The following PCDH11X variants were observed in gnomAD, a reference collection of about 807,000 sequenced individuals.
PCDH11X encodes the protein protocadherin 11 X-linked.
In PCDH11X, 18 loss-of-function variants were observed where a neutral mutation model predicts 53.3. That is an observed-to-expected ratio of 0.34 (90% CI 0.23 to 0.50). The LOEUF (loss-of-function observed/expected upper bound fraction) is 0.50, where lower values mean the gene tolerates loss of function less well. Ranked by LOEUF, PCDH11X falls within the 20% of genes least tolerant of loss-of-function variation. PCDH11X has a pLI of 0.98. For missense variants in PCDH11X, 570 were observed against 1,032.4 expected, an observed-to-expected ratio of 0.55 and a Z score of 6.14; for synonymous variants, 279 against 393.3, an observed-to-expected ratio of 0.71 and a Z score of 3.44.
intron 6 of PCDH11X, among the ~76,000 whole-genome samples, chrX:91,949,355 A>G (rs957906365): frequency 2.1e-5 from 2 of 95,908 alleles, no homozygotes; most frequent in Admixed American, 2.1e-4. Flanking sequence ...ATATAGAGGG[A>G]AAAAAAAACT....
chrX:92,571,842 C>T (rs1367968264), intron 10 of PCDH11X, among the ~76,000 whole-genome samples: 1 of 111,821 alleles, frequency 8.9e-6, no homozygotes. Flanking sequence ...TGCCACTAGG[C>T]TCAGTAGGAA....
intron 1 of PCDH11X, 51 bp downstream of exon 1, chrX:91,779,735 G>C (rs1935060104): frequency 9.9e-6 from 1 of 101,015 alleles, no homozygotes; most frequent in South Asian, 5.1e-4. Context: ...GGAGGCGTGA[G>C]GTCCACACTT....
At chrX:92,226,278 T>C (rs1426316521) in intron 7 of PCDH11X, among the ~76,000 whole-genome samples, 4 of 112,129 alleles carry the variant, frequency 3.6e-5, no homozygotes, top group Non-Finnish European at 7.5e-5. Flanking sequence ...TTTCTATGCT[T>C]AGATTCAGTG....
intron 8 of PCDH11X, among the ~76,000 whole-genome samples, chrX:92,371,584 G>A (rs1324028412): frequency 1.8e-5 from 2 of 110,192 alleles, no homozygotes; most frequent in Admixed American, 2.0e-4. Flanking sequence ...TAATTCAACA[G>A]ATATGTATTG....
At chrX:92,353,448 A>G (rs2070108436) in intron 8 of PCDH11X, among the ~76,000 whole-genome samples, 1 of 110,720 alleles carries the variant, frequency 9.0e-6, no homozygotes, top group South Asian at 3.8e-4. Context: ...ATTACTTCTA[A>G]TTTACAAGAC....
intron 9 of PCDH11X, 82 bp downstream of exon 9, chrX:92,388,015 G>A: frequency 8.4e-7 from 1 of 1,186,739 alleles, no homozygotes; most frequent in Non-Finnish European, 1.1e-6. Context: ...TAATAACATG[G>A]GCTAATTCAT....
At chrX:92,216,687 A>G (rs1440524665) in intron 7 of PCDH11X, among the ~76,000 whole-genome samples, 8 of 70,432 alleles carry the variant, frequency 1.1e-4, no homozygotes, top group Admixed American at 3.1e-4. Context: ...ATTCAGATTC[A>G]GGAAATATAG....
chrX:92,300,424 C>G (rs2068697124), intron 8 of PCDH11X, among the ~76,000 whole-genome samples: 1 of 111,160 alleles, frequency 9.0e-6, no homozygotes, highest in Non-Finnish European at 1.9e-5. Flanking sequence ...TTTCTTCAAT[C>G]CTTTCCTTCA....
At chrX:92,108,828 ATTAACCTAAATTATG>A (rs775170390) in intron 6 of PCDH11X, among the ~76,000 whole-genome samples, 85 of 111,765 alleles carry the variant, frequency 7.6e-4, no homozygotes, top group Non-Finnish European at 1.4e-3. Context: ...ATTACCTAAT[ATTAACCTAAATTATG>A]TCCTGTTAAG....
At chrX:91,954,259 C>G (rs2061681700) in intron 6 of PCDH11X, among the ~76,000 whole-genome samples, 1 of 110,871 alleles carries the variant, frequency 9.0e-6, no homozygotes, top group South Asian at 3.8e-4. Flanking sequence ...GGAATGATGG[C>G]TTCTAGCTTC....
chrX:91,966,771 G>A (rs747606292), intron 6 of PCDH11X, among the ~76,000 whole-genome samples: 49 of 111,375 alleles, frequency 4.4e-4, no homozygotes, highest in African/African-American at 1.5e-3. Flanking sequence ...ATAAAAAAAA[G>A]AATAGTTTGT....
At position 91,981,035 on chromosome X, in the gene PCDH11X, T is replaced by C. The variant is rs188896273; in HGVS notation, c.3033+101762T>C. ...TATATACACTGAATATATATATATA[T>C]ACACTGAATATATATATACACTGAA... On this transcript the variant is annotated intron_variant, in intron 6 of 10. Coordinates refer to ENST00000682573, the MANE Select transcript of PCDH11X (RefSeq NM_032968.5). 4.4e-3 allele frequency among the ~76,000 whole-genome samples: 451 copies of C among 101,778 alleles called. 3 individuals are homozygous for C. The highest frequency in any genetic ancestry group is 0.017 in the East Asian group (58 of 3,319). 88.4% of individuals were successfully genotyped at this position (101,778 alleles called of 115,157 possible). A position where few individuals can be genotyped will look rare whatever the true frequency, so the allele number is the denominator to read the frequency against.
intron 6 of PCDH11X, among the ~76,000 whole-genome samples, chrX:92,199,606 C>G (rs1023722228): frequency 1.8e-5 from 2 of 110,286 alleles, no homozygotes; most frequent in African/African-American, 6.6e-5. Flanking sequence ...TAGGTCTCAG[C>G]AGTTCTGTAT....
intron 10 of PCDH11X, among the ~76,000 whole-genome samples, chrX:92,587,067 G>A (rs1295836089): frequency 9.4e-6 from 1 of 106,696 alleles, no homozygotes; most frequent in Non-Finnish European, 1.9e-5. Flanking sequence ...CTTCAGTGGG[G>A]CAATTGGGAA....
At chrX:91,815,478 T>A (rs1165642323) in intron 4 of PCDH11X, among the ~76,000 whole-genome samples, 5 of 111,381 alleles carry the variant, frequency 4.5e-5, no homozygotes, top group Admixed American at 9.6e-5. Flanking sequence ...TATGAAAAAA[T>A]TTTTCATTTA....
intron 6 of PCDH11X, among the ~76,000 whole-genome samples, chrX:91,917,621 G>A: frequency 1.3e-5 from 1 of 75,501 alleles, no homozygotes; most frequent in Admixed American, 1.7e-4. Flanking sequence ...AATTAACCAA[G>A]GAGGTCAAAG....
intron 10 of PCDH11X, among the ~76,000 whole-genome samples, chrX:92,591,395 G>A (rs1925021393): frequency 9.1e-6 from 1 of 110,476 alleles, no homozygotes; most frequent in African/African-American, 3.3e-5. Flanking sequence ...GGATTTGTGA[G>A]GCAAGTCTGA....
intron 8 of PCDH11X, among the ~76,000 whole-genome samples, chrX:92,352,899 C>T (rs1206410254): frequency 9.1e-6 from 1 of 110,156 alleles, no homozygotes; most frequent in Non-Finnish European, 1.9e-5. Flanking sequence ...CCACTTTCTT[C>T]AGGGTGTCTA....
chrX:91,992,991 T>A (rs1393322432), intron 6 of PCDH11X, among the ~76,000 whole-genome samples: 1 of 111,278 alleles, frequency 9.0e-6, no homozygotes, highest in Non-Finnish European at 1.9e-5. Context: ...AATTTTTCCT[T>A]AAGTCCAACA....
Sources: gnomAD v4.1 joint callset for allele counts (sites outside exome capture counted in the v4.1 genomes callset) on GRCh38, gnomAD v4.1.1 for gene constraint, MANE v1.5 for transcripts, NCBI Gene and HGNC (gene_info 2026-07-23, HGNC 2026-07-21) for gene names.